FUT9: variants seen among roughly 807,000 people sequenced by gnomAD.
FUT9 encodes the protein fucosyltransferase 9.
In FUT9, 15 loss-of-function variants were observed where a neutral mutation model predicts 29.7. The observed-to-expected ratio is 0.51, with a 90% CI of 0.34 to 0.78. The LOEUF (loss-of-function observed/expected upper bound fraction) is 0.78. Among genes scored for constraint, FUT9 ranks in the 30% least tolerant of loss-of-function variants. The pLI is 0.01. For synonymous variants in FUT9, 169 were observed against 153.7 expected, an observed-to-expected ratio of 1.10 and a Z score of -0.74; for missense variants, 319 against 425.4, an observed-to-expected ratio of 0.75 and a Z score of 2.20.
chr6:96,095,819 T>C (rs1457964447), intron 1 of FUT9, among the ~76,000 whole-genome samples: 1 of 152,150 alleles, frequency 6.6e-6, no homozygotes, highest in Non-Finnish European at 1.5e-5. Context: ...TTGTTAGATG[T>C]GTAACCATGG....
chr6:96,191,276 T>G (rs1773503815), intron 2 of FUT9, among the ~76,000 whole-genome samples: 1 of 151,998 alleles, frequency 6.6e-6, no homozygotes, highest in Non-Finnish European at 1.5e-5. Flanking sequence ...CTTCAAAAAA[T>G]CAATGAATCC....
chr6:96,054,709 C>T (rs1770731838), intron 1 of FUT9, among the ~76,000 whole-genome samples: 1 of 152,110 alleles, frequency 6.6e-6, no homozygotes, highest in Non-Finnish European at 1.5e-5. Context: ...TGGAAGAGCC[C>T]TAACCACATA....
intron 2 of FUT9, among the ~76,000 whole-genome samples, chr6:96,118,744 G>A (rs967677602): frequency 6.6e-6 from 1 of 152,108 alleles, no homozygotes; most frequent in Non-Finnish European, 1.5e-5. Flanking sequence ...GTCCATGCAC[G>A]TTATTGCCCC....
Position 96,134,316 on chromosome 6 carries a change from C to T in FUT9, c.-9+20189C>T, listed in dbSNP as rs190917636. Among the ~76,000 whole-genome samples the T allele has an allele frequency of 3.3e-5, 5 of 151,776 alleles. No individual in the cohort carries two copies. In the East Asian group the frequency reaches 5.8e-4, roughly 18 times the overall value. On this transcript the variant is annotated intron_variant, in intron 2 of 2. Coordinates refer to ENST00000302103, the MANE Select transcript of FUT9 (RefSeq NM_006581.4). ...ACATAATTTTATAACTTCCTTTTGT[C>T]CTGTGACTATATCATGGATGTTTTC...
At chr6:96,032,223 TTTTG>T in intron 1 of FUT9, among the ~76,000 whole-genome samples, 2 of 151,674 alleles carry the variant, frequency 1.3e-5, no homozygotes, top group Non-Finnish European at 3.0e-5. Context: ...GTCGTACTTA[TTTTG>T]TTACTGATTT....
chr6:96,160,333 G>A (rs193282475), intron 2 of FUT9, among the ~76,000 whole-genome samples: 87 of 152,272 alleles, frequency 5.7e-4, no homozygotes, highest in Middle Eastern at 3.4e-3. Context: ...CTCATAATTT[G>A]TGCTGATGAA....
intron 1 of FUT9, among the ~76,000 whole-genome samples, chr6:96,053,510 C>A (rs974928463): frequency 1.3e-5 from 2 of 151,934 alleles, no homozygotes; most frequent in Non-Finnish European, 2.9e-5. Flanking sequence ...AGATGGAGAC[C>A]CTCCTGGCTA....
chr6:96,135,302 C>A (rs1394382814), intron 2 of FUT9, among the ~76,000 whole-genome samples: 1 of 151,790 alleles, frequency 6.6e-6, no homozygotes. Context: ...AAAATTTGTG[C>A]CAGTAGAGGT....
intron 1 of FUT9, among the ~76,000 whole-genome samples, chr6:96,038,293 G>A (rs933603950): frequency 6.6e-6 from 1 of 152,052 alleles, no homozygotes; most frequent in African/African-American, 2.4e-5. Flanking sequence ...TGGGTCAGAC[G>A]AATTCACTGC....
In FUT9 at chr6:96,030,090, C is replaced by G. The variant is rs192635319; in HGVS notation, c.-98+13878C>G. Among the ~76,000 whole-genome samples, 6 of 151,442 alleles carry G rather than the reference C, an allele frequency of 4.0e-5. 1 individual carries two copies. In the Admixed American group the frequency reaches 4.0e-4, roughly 10 times the overall value. On this transcript the variant is annotated intron_variant, in intron 1 of 2. Transcript: ENST00000302103. Reference sequence around the variant, plus strand: ...TCTGTCTGTAGTTGATAGAATGAGTCGAAATCAGTAACTATATAGAAGGCC... The same window carrying G: ...TCTGTCTGTAGTTGATAGAATGAGTGGAAATCAGTAACTATATAGAAGGCC...
At chr6:96,093,247 G>A (rs1339668464) in intron 1 of FUT9, among the ~76,000 whole-genome samples, 1 of 152,116 alleles carries the variant, frequency 6.6e-6, no homozygotes, top group East Asian at 1.9e-4. Context: ...CATTAAAGGT[G>A]CCTACCAAAT....
At chr6:96,200,788 T>A (rs1196883651) in intron 2 of FUT9, among the ~76,000 whole-genome samples, 2 of 152,094 alleles carry the variant, frequency 1.3e-5, no homozygotes, top group African/African-American at 4.8e-5. Context: ...ACCCTTTCAG[T>A]AAGGTTTTTC....
intron 1 of FUT9, among the ~76,000 whole-genome samples, chr6:96,044,612 A>C (rs1770525677): frequency 6.6e-6 from 1 of 152,188 alleles, no homozygotes; most frequent in African/African-American, 2.4e-5. Flanking sequence ...TAGACTAGAA[A>C]CTGGAATCTT....
In FUT9 at chr6:96,152,225, C is replaced by T. The variant is rs899933829; in HGVS notation, c.-9+38098C>T. On this transcript the variant is annotated intron_variant, in intron 2 of 2. Coordinates refer to ENST00000302103, the MANE Select transcript of FUT9 (RefSeq NM_006581.4). ...TCTGTCATAGTTTTTACCTATTACA[C>T]GCTGTATATGCTGGTAACATCCAAG... Among the ~76,000 whole-genome samples, 8 of 152,270 alleles carry T rather than the reference C, an allele frequency of 5.3e-5. No homozygotes were observed. In the East Asian group the frequency reaches 7.7e-4, roughly 15 times the overall value.
chr6:96,126,692 G>A (rs908499226), intron 2 of FUT9, among the ~76,000 whole-genome samples: 1 of 152,082 alleles, frequency 6.6e-6, no homozygotes, highest in African/African-American at 2.4e-5. Flanking sequence ...TATATACACA[G>A]GTTTGTAAAT....
At chr6:96,084,474 T>C (rs1219443409) in intron 1 of FUT9, among the ~76,000 whole-genome samples, 1 of 152,256 alleles carries the variant, frequency 6.6e-6, no homozygotes, top group East Asian at 1.9e-4. Context: ...TTATCTCTAA[T>C]TCTATTAAAG....
intron 1 of FUT9, among the ~76,000 whole-genome samples, chr6:96,070,957 C>T (rs948100359): frequency 6.6e-6 from 1 of 152,038 alleles, no homozygotes; most frequent in African/African-American, 2.4e-5. Context: ...AGATGTTAGT[C>T]TTCTCGCTTA....
chr6:96,130,849 G>T (rs1772229697), intron 2 of FUT9, among the ~76,000 whole-genome samples: 1 of 152,086 alleles, frequency 6.6e-6, no homozygotes, highest in African/African-American at 2.4e-5. Flanking sequence ...CTTTACTGTG[G>T]CAGTGCAAAC....
chr6:96,037,270 A>T (rs998197423), intron 1 of FUT9: 2 of 152,048 alleles, frequency 1.3e-5, no homozygotes, highest in African/African-American at 4.8e-5. Context: ...GGTCTAAGGA[A>T]GCTAAATTAT....
Sources: allele counts gnomAD v4.1 joint callset (sites outside exome capture counted in the v4.1 genomes callset), GRCh38; gene constraint gnomAD v4.1.1; transcripts MANE v1.5; gene names NCBI Gene and HGNC (gene_info 2026-07-23, HGNC 2026-07-21).